C2orf49: variants seen among roughly 807,000 people sequenced by gnomAD.
C2orf49 encodes tRNA splicing ligase complex subunit 2.
Under a neutral mutation model 20.6 loss-of-function variants are expected in C2orf49, and 11 were observed. The observed-to-expected ratio is 0.53, with a 90% CI of 0.34 to 0.88. The LOEUF (loss-of-function observed/expected upper bound fraction) is 0.88. Ranked by LOEUF, C2orf49 falls within the 40% of genes least tolerant of loss-of-function variation. The probability of loss-of-function intolerance (pLI) is 0.02; values close to 1 mark genes in which losing one functional copy is unlikely to be tolerated. For synonymous variants in C2orf49, 134 were observed against 108.5 expected, an observed-to-expected ratio of 1.24 and a Z score of -1.46; for missense variants, 289 against 274.2, an observed-to-expected ratio of 1.05 and a Z score of -0.38.
chr2:105,379,164 T>C, the C2orf49 span, among the ~76,000 whole-genome samples: 1 of 152,194 alleles, frequency 6.6e-6, no homozygotes, highest in East Asian at 1.9e-4. Context: ...CATTGGGAAG[T>C]AATTGAACCT....
At chr2:105,350,499 G>T (rs1679908604), downstream of C2orf49, among the ~76,000 whole-genome samples, 1 of 152,234 alleles carries the variant, frequency 6.6e-6, no homozygotes, top group African/African-American at 2.4e-5. Context: ...GACTAGTTGA[G>T]TAAGTCTGTA....
chr2:105,383,751 C>G, the C2orf49 span, among the ~76,000 whole-genome samples: 3 of 152,150 alleles, frequency 2.0e-5, no homozygotes, highest in African/African-American at 7.2e-5. Flanking sequence ...ACATTTTTTT[C>G]TATCATTGCT....
At chr2:105,367,121 G>A in the C2orf49 span, among the ~76,000 whole-genome samples, 1 of 152,152 alleles carries the variant, frequency 6.6e-6, no homozygotes, top group African/African-American at 2.4e-5. Context: ...CATGGAGGCA[G>A]ACTTTTCTCC....
chr2:105,373,954 A>C, the C2orf49 span: 5 of 575,200 alleles, frequency 8.7e-6, no homozygotes, highest in Admixed American at 3.0e-5. Flanking sequence ...GGTTAGACAG[A>C]TGTGCATGTA....
chr2:105,346,409 G>A lies in C2orf49; in HGVS notation c.*1038G>A, dbSNP rs188534072. ...TGTTCTTGTCATGTAGCAGTCCTAC[G>A]TACTCTTTTCATGAGCAGTCTGTGA... On this transcript the variant is annotated 3_prime_UTR_variant, in exon 4 of 4. Coordinates refer to ENST00000258457, the MANE Select transcript of C2orf49 (RefSeq NM_024093.3). The A allele has an allele frequency of 2.0e-5, 3 of 152,288 alleles. No individual in the cohort carries two copies. The highest frequency in any genetic ancestry group is 2.1e-4 in the South Asian group (1 of 4,832). The allele number at this position is 152,288 out of a possible 1,614,324, so 9.4% of individuals were successfully genotyped here. A position where few individuals can be genotyped will look rare whatever the true frequency, so the allele number is the denominator to read the frequency against.
chr2:105,370,509 AC>A, the C2orf49 span, among the ~76,000 whole-genome samples: 1 of 152,034 alleles, frequency 6.6e-6, no homozygotes, highest in African/African-American at 2.4e-5. Context: ...GAGCCGGTAA[AC>A]CCCAGCACTG....
the C2orf49 span, among the ~76,000 whole-genome samples, chr2:105,372,835 G>A: frequency 2.0e-5 from 3 of 152,122 alleles, no homozygotes; most frequent in Non-Finnish European, 2.9e-5. Context: ...GGAATTACAG[G>A]TATAAGCCAC....
chr2:105,346,303 C>T lies in C2orf49; in HGVS notation c.*932C>T, dbSNP rs1026267314. ...AAAAAGGAATCAGTGCTTGCTATTG[C>T]TCCTTTCCTTGAAGTTGTAACAATT... On this transcript the variant is annotated 3_prime_UTR_variant, in exon 4 of 4. Coordinates refer to ENST00000258457, the MANE Select transcript of C2orf49 (RefSeq NM_024093.3). 3 of 152,158 alleles carry T rather than the reference C, an allele frequency of 2.0e-5. No individual in the cohort carries two copies. Among genetic ancestry groups the T allele is most frequent in the African/African-American group, 4.8e-5 (2 of 41,426 alleles). 9.4% of individuals were successfully genotyped at this position (152,158 alleles called of 1,614,324 possible). A position where few individuals can be genotyped will look rare whatever the true frequency, so the allele number is the denominator to read the frequency against.
the C2orf49 span, among the ~76,000 whole-genome samples, chr2:105,355,545 T>A: frequency 1.4e-5 from 2 of 147,838 alleles, no homozygotes; most frequent in African/African-American, 4.8e-5. Flanking sequence ...CAGTAGAGAC[T>A]GACCCCCAAA....
chr2:105,363,068 T>C, the C2orf49 span: 1 of 555,502 alleles, frequency 1.8e-6, no homozygotes, highest in South Asian at 2.4e-5. Flanking sequence ...GGCCATATGG[T>C]TGTGATCAGG....
chr2:105,379,109 T>G, the C2orf49 span, among the ~76,000 whole-genome samples: 5 of 152,200 alleles, frequency 3.3e-5, no homozygotes. Context: ...AATGCCAGAT[T>G]GACTAAACTT....
chr2:105,363,527 G>A, the C2orf49 span: 1 of 1,482,912 alleles, frequency 6.7e-7, no homozygotes, highest in Non-Finnish European at 9.2e-7. Context: ...GACATCTTCA[G>A]TCTCAGCTAC....
In C2orf49 at chr2:105,346,527, T is replaced by C. The variant is rs992057965; in HGVS notation, c.*1156T>C. ...AAAAAGTCTTCAGGCAGAGTAATCATGTTAGAGGTGGTATTCGATGGAAGA... is the reference window on the plus strand; with the variant it reads ...AAAAAGTCTTCAGGCAGAGTAATCACGTTAGAGGTGGTATTCGATGGAAGA... On this transcript the variant is annotated 3_prime_UTR_variant, in exon 4 of 4. Coordinates refer to ENST00000258457, the MANE Select transcript of C2orf49 (RefSeq NM_024093.3). 1 of 152,182 alleles carries C rather than the reference T, an allele frequency of 6.6e-6. No individual in the cohort carries two copies. Among genetic ancestry groups the C allele is most frequent in the African/African-American group, 2.4e-5 (1 of 41,446 alleles). The allele number at this position is 152,182 out of a possible 1,614,324, so 9.4% of individuals were successfully genotyped here.
At chr2:105,354,347 G>A in the C2orf49 span, among the ~76,000 whole-genome samples, 1 of 152,118 alleles carries the variant, frequency 6.6e-6, no homozygotes, top group Non-Finnish European at 1.5e-5. Context: ...TCCGGTTGAG[G>A]GTAGACTAGT....
the C2orf49 span, among the ~76,000 whole-genome samples, chr2:105,371,132 A>G: frequency 6.6e-6 from 1 of 152,176 alleles, no homozygotes; most frequent in Non-Finnish European, 1.5e-5. Context: ...AAACACCATG[A>G]GAAAGGGAAG....
the C2orf49 span, among the ~76,000 whole-genome samples, chr2:105,373,052 G>A: frequency 2.6e-5 from 4 of 152,148 alleles, no homozygotes; most frequent in African/African-American, 4.8e-5. Flanking sequence ...GCCCAGTTGC[G>A]GCTGTGCCCT....
the C2orf49 span, chr2:105,358,181 T>C: frequency 1.3e-5 from 2 of 152,230 alleles, no homozygotes; most frequent in African/African-American, 4.8e-5. Flanking sequence ...GATGTCTTAT[T>C]GTTTTTGACA....
At chr2:105,363,258 T>C in the C2orf49 span, 5 of 1,611,720 alleles carry the variant, frequency 3.1e-6, no homozygotes, top group Non-Finnish European at 4.2e-6. Context: ...CAATCGCCCC[T>C]GGAAATGGGA....
intron 1 of C2orf49, 131 bp from the exon 2 acceptor site, chr2:105,339,452 G>C: frequency 5.4e-6 from 4 of 743,920 alleles, no homozygotes; most frequent in Non-Finnish European, 8.7e-6. Context: ...CTCTAAGTGC[G>C]CGTGTTATTG....
Sources: allele counts gnomAD v4.1 joint callset (sites outside exome capture counted in the v4.1 genomes callset), GRCh38; gene constraint gnomAD v4.1.1; transcripts MANE v1.5; gene names NCBI Gene and HGNC (gene_info 2026-07-23, HGNC 2026-07-21).